The following AMMECR1 variants were observed in gnomAD, a reference collection of about 807,000 sequenced individuals.
AMMECR1 encodes the protein AMMECR nuclear protein 1.
Under a neutral mutation model 22.5 loss-of-function variants are expected in AMMECR1, and 3 were observed. The observed-to-expected ratio is 0.13, with a 90% CI of 0.06 to 0.35. The LOEUF (loss-of-function observed/expected upper bound fraction) is 0.35, where lower values mean the gene tolerates loss of function less well. Among genes scored for constraint, AMMECR1 ranks in the 10% least tolerant of loss-of-function variants. AMMECR1 has a pLI of 1.00. For synonymous variants in AMMECR1, 130 were observed against 116.7 expected (o/e 1.11, Z -0.74); for missense variants, 235 against 278.7 (o/e 0.84, Z 1.12).
At chrX:110,385,107 T>G (rs2068445990) in intron 2 of AMMECR1, among the ~76,000 whole-genome samples, 1 of 111,376 alleles carries the variant, frequency 9.0e-6, no homozygotes, top group Non-Finnish European at 1.9e-5. Context: ...CCAGATGGCC[T>G]GAATTTGAAT....
intron 1 of AMMECR1, among the ~76,000 whole-genome samples, chrX:110,438,747 G>A (rs1401531955): frequency 7.2e-5 from 8 of 111,167 alleles, no homozygotes; most frequent in Non-Finnish European, 1.9e-5. Context: ...AGCCCTTTTA[G>A]AACACAAATT....
At chrX:110,258,224 AG>A (rs970520220) in intron 2 of AMMECR1, among the ~76,000 whole-genome samples, 1 of 112,514 alleles carries the variant, frequency 8.9e-6, no homozygotes. Flanking sequence ...ATATGAATTC[AG>A]ACAATTCTCT....
At chrX:110,233,110 G>A (rs1189944678) in intron 2 of AMMECR1, among the ~76,000 whole-genome samples, 1 of 107,915 alleles carries the variant, frequency 9.3e-6, no homozygotes, top group African/African-American at 3.4e-5. Context: ...AGAAGAGAGA[G>A]AAGAATCAAA....
intron 3 of AMMECR1, among the ~76,000 whole-genome samples, chrX:110,207,972 AAAACAAAC>A (rs766743221): frequency 9.0e-6 from 1 of 111,568 alleles, no homozygotes; most frequent in African/African-American, 3.3e-5. Context: ...CTGTCTCTAA[AAAACAAAC>A]AAACAAACAA....
chrX:110,235,941 C>T (rs2067598554), intron 2 of AMMECR1, among the ~76,000 whole-genome samples: 1 of 110,025 alleles, frequency 9.1e-6, no homozygotes, highest in Non-Finnish European at 1.9e-5. Context: ...TGCAGACGTA[C>T]CCTAGAACTT....
chrX:110,339,416 A>T (rs1289317877), intron 2 of AMMECR1, among the ~76,000 whole-genome samples: 4 of 108,629 alleles, frequency 3.7e-5, no homozygotes, highest in African/African-American at 1.3e-4. Flanking sequence ...AAAAAAAAAA[A>T]AAAAAAAAAC....
intron 2 of AMMECR1, among the ~76,000 whole-genome samples, chrX:110,415,319 T>A (rs966926729): frequency 3.6e-5 from 4 of 112,654 alleles, no homozygotes; most frequent in African/African-American, 1.3e-4. Flanking sequence ...AGTTTTTCCC[T>A]ATGACTACAG....
chrX:110,385,044 T>C (rs1194403694), intron 2 of AMMECR1, among the ~76,000 whole-genome samples: 1 of 111,267 alleles, frequency 9.0e-6, no homozygotes, highest in Non-Finnish European at 1.9e-5. Flanking sequence ...ATAACAAGTG[T>C]TGACTATTCA....
At chrX:110,288,942 C>A (rs2067894489) in intron 1 of AMMECR1, among the ~76,000 whole-genome samples, 1 of 111,912 alleles carries the variant, frequency 8.9e-6, no homozygotes, top group Admixed American at 9.5e-5. Context: ...AGCCACTCCA[C>A]TCTTCTCTCT....
At chrX:110,312,531 T>G (rs1374544134) in intron 1 of AMMECR1, among the ~76,000 whole-genome samples, 1 of 112,362 alleles carries the variant, frequency 8.9e-6, no homozygotes, top group Non-Finnish European at 1.9e-5. Flanking sequence ...ATGGGCTAAA[T>G]TATCACTCCC....
At chrX:110,297,128 C>T (rs965026973) in intron 1 of AMMECR1, among the ~76,000 whole-genome samples, 5 of 111,235 alleles carry the variant, frequency 4.5e-5, no homozygotes, top group South Asian at 3.8e-4. Flanking sequence ...AGCTAATGAC[C>T]GACATATTTT....
intron 2 of AMMECR1, among the ~76,000 whole-genome samples, chrX:110,246,948 G>C (rs991191477): frequency 1.2e-4 from 14 of 112,105 alleles, no homozygotes; most frequent in African/African-American, 4.5e-4. Context: ...CTAACATTCA[G>C]CTACTTAGCA....
chrX:110,375,079 G>A (rs2068367088), intron 2 of AMMECR1, among the ~76,000 whole-genome samples: 1 of 111,603 alleles, frequency 9.0e-6, no homozygotes, highest in African/African-American at 3.3e-5. Context: ...ATAGCAAGTA[G>A]GCAAGCTTAG....
intron 3 of AMMECR1, among the ~76,000 whole-genome samples, chrX:110,208,747 T>C (rs2067433232): frequency 9.0e-6 from 1 of 111,699 alleles, no homozygotes; most frequent in Non-Finnish European, 1.9e-5. Context: ...CAAACATGTT[T>C]ATATATCTTT....
intron 2 of AMMECR1, among the ~76,000 whole-genome samples, chrX:110,380,323 A>C (rs775327005): frequency 1.4e-4 from 15 of 109,410 alleles, no homozygotes; most frequent in Non-Finnish European, 2.3e-4. Context: ...GAGCCAAATC[A>C]AGAATGCAAT....
chrX:110,244,462 T>C (rs1359513662), intron 2 of AMMECR1, among the ~76,000 whole-genome samples: 2 of 112,050 alleles, frequency 1.8e-5, no homozygotes, highest in African/African-American at 6.5e-5. Context: ...CTTTTGAATG[T>C]TGAAATTGAG....
intron 2 of AMMECR1, among the ~76,000 whole-genome samples, chrX:110,371,712 A>T (rs958851111): frequency 1.8e-5 from 2 of 111,077 alleles, no homozygotes; most frequent in African/African-American, 6.6e-5. Flanking sequence ...GCTTGGCTGA[A>T]TCCTGTTAGA....
intron 2 of AMMECR1, chrX:110,346,737 G>A (rs780577013): frequency 1.2e-6 from 1 of 841,443 alleles, no homozygotes; most frequent in South Asian, 2.0e-5. Flanking sequence ...GGGTCTGAAG[G>A]GATTTGTACT....
exon 1 of AMMECR1, chrX:110,439,902 A>G (rs976844425): frequency 1.8e-5 from 2 of 110,790 alleles, no homozygotes; most frequent in Non-Finnish European, 3.8e-5. Flanking sequence ...GTGCAGAAGA[A>G]TTTGGAACAG....
Sources: allele counts gnomAD v4.1 joint callset (sites outside exome capture counted in the v4.1 genomes callset), GRCh38; gene constraint gnomAD v4.1.1; transcripts MANE v1.5; gene names NCBI Gene and HGNC (gene_info 2026-07-23, HGNC 2026-07-21).